Variants in TNXB observed in about 807,000 individuals in gnomAD.
TNXB encodes tenascin-X.
In TNXB, 183 loss-of-function variants were observed where a neutral mutation model predicts 340.5. The ratio of observed to expected loss-of-function variants is 0.54; its 90% CI spans 0.48 to 0.61. TNXB has a LOEUF of 0.61. Among genes scored for constraint, TNXB ranks in the 20% least tolerant of loss-of-function variants. The pLI is 0.00. For missense variants in TNXB, 4,613 were observed against 5,446.4 expected, an observed-to-expected ratio of 0.85 and a Z score of 4.82; for synonymous variants, 2,121 against 2,314.5, an observed-to-expected ratio of 0.92 and a Z score of 2.40.
Position 32,043,751 on chromosome 6 carries a change from G to A in TNXB, c.11528C>T (p.Thr3843Met), listed in dbSNP as rs755060174. 1.4e-5 allele frequency: 22 copies of A among 1,613,362 alleles called. 1 individual carries two copies. In the East Asian group the frequency reaches 2.7e-4, roughly 20 times the overall value. ...ESEPLTGFLTTVPDGPTQLRA... is the reference protein window; with the variant it reads ...ESEPLTGFLTMVPDGPTQLRA... ...CCCCGGGTCCCAGTCCATCTCACCC[G>A]TGGTGAGGAAGCCTGTGAGAGGCTC... The change falls in exon 35 of 44, where the codon ACG becomes ATG. Residue 3843 changes from threonine to methionine, a missense_variant and splice_region_variant. Transcript: ENST00000644971.
intron 13 of TNXB, among the ~76,000 whole-genome samples, chr6:32,071,221 A>G (rs1277581644): frequency 2.6e-5 from 4 of 152,160 alleles, no homozygotes; most frequent in African/African-American, 9.6e-5. Flanking sequence ...CTGGTTCCCA[A>G]TTTCTGAGAC....
chr6:32,082,583 T>C lies in TNXB; in HGVS notation c.3446-257A>G, dbSNP rs1779535774. 6.6e-6 allele frequency among the ~76,000 whole-genome samples: 1 copy of C among 152,092 alleles called. No individual in the cohort carries two copies. Among genetic ancestry groups the C allele is most frequent in the South Asian group, 2.1e-4 (1 of 4,822 alleles). ...CATGGAAGCACTGCGTGGACTAGTG[T>C]GGCTCTGCCTCCAACCACAAACCAG... On this transcript the variant is annotated intron_variant, in intron 8 of 43. Coordinates refer to ENST00000644971, the MANE Select transcript of TNXB (RefSeq NM_001365276.2). The surrounding 1 kb of genome is among the most constrained non-coding windows in gnomAD (Gnocchi z 5.0).
At chr6:32,103,300 G>A (rs1177326151) in intron 1 of TNXB, among the ~76,000 whole-genome samples, 1 of 151,840 alleles carries the variant, frequency 6.6e-6, no homozygotes, top group Non-Finnish European at 1.5e-5. Flanking sequence ...CATGGTGGCA[G>A]GTGCCTGTAA....
In TNXB at chr6:32,095,870, C is replaced by A. The variant is rs778181619; in HGVS notation, c.1983G>T (p.Arg661=). ...MCPADCRGRG[R]CVQGVCLCHV... ...GGCACAGGCACACTCCTTGCACACA[C>A]CGCCCACGTCCCCGGCAGTCAGCCG... is the stretch of plus-strand genomic sequence containing the variant. The change falls in exon 3 of 44, where the codon CGG becomes CGT. Residue 661 remains arginine (R), a synonymous_variant. Coordinates refer to ENST00000644971, the MANE Select transcript of TNXB (RefSeq NM_001365276.2). 1 of 1,612,514 alleles carries A rather than the reference C, an allele frequency of 6.2e-7. No homozygotes were observed. The highest frequency in any genetic ancestry group is 1.1e-5 in the South Asian group (1 of 90,940).
At position 32,096,173 on chromosome 6, in the gene TNXB, G is replaced by C. The variant is rs1384077700; in HGVS notation, c.1680C>G (p.Pro560=). 1.9e-6 allele frequency: 3 copies of C among 1,573,606 alleles called. No homozygotes were observed. Among genetic ancestry groups the C allele is most frequent in the African/African-American group, 2.7e-5 (2 of 73,824 alleles). The change falls in exon 3 of 44, where the codon CCC becomes CCG. Residue 560 remains proline (P), a synonymous_variant. Transcript: ENST00000644971. ...SGEDCSTRSC[P]GGCRGRGQCL... is the part of the protein sequence containing the mutation. ...ACTGGCCGCGGCCTCGGCAGCCCCC[G>C]GGGCAGCTGCGCGTGCTGCAGTCTT...
In TNXB at chr6:32,059,136, G is replaced by T. The variant is rs565744138; in HGVS notation, c.7493-746C>A. 2.3e-4 allele frequency among the ~76,000 whole-genome samples: 35 copies of T among 151,838 alleles called. 1 individual carries two copies. The highest frequency in any genetic ancestry group is 7.3e-4 in the African/African-American group (30 of 41,184). On this transcript the variant is annotated intron_variant, in intron 21 of 43. Transcript: ENST00000644971. ...AAACGTGGGCTAAAAAAGAAATTCT[G>T]GGCTGGGAGCAGTGGTTCACGCCTG...
intron 19 of TNXB, among the ~76,000 whole-genome samples, chr6:32,063,693 C>A (rs905585102): frequency 9.9e-5 from 15 of 152,284 alleles, no homozygotes; most frequent in African/African-American, 2.9e-4. Flanking sequence ...TCATTGATTT[C>A]TTTAATCTTT....
rs760354340 is a variant in TNXB at position 32,064,963 on chromosome 6, C to A, written c.6699G>T (p.Gly2233=). The A allele has an allele frequency of 6.2e-7, 1 of 1,612,810 alleles. No homozygotes were observed. The highest frequency in any genetic ancestry group is 1.3e-5 in the African/African-American group (1 of 75,026). ...HFLVQFKNGD[G]QPKAVRVPGH... is the part of the protein sequence containing the mutation. ...CCGGCACCCGCACCGCCTTGGGCTG[C>A]CCGTCCCCATTCTTAAACTGGACCA... is the stretch of plus-strand genomic sequence containing the variant. Residue 2233 remains glycine, a synonymous_variant, in exon 19 of 44, where the codon GGG becomes GGT. Coordinates refer to ENST00000644971, the MANE Select transcript of TNXB (RefSeq NM_001365276.2). This position sits in a 1 kb window ranked among gnomAD's most constrained non-coding sequence, Gnocchi z 5.3.
In TNXB at chr6:32,081,792, C is replaced by G; in HGVS notation, c.3737-119G>C. ...GGTCACTAGTCCATTAATTCGAGTG[C>G]TAAACTTCTGGGAAGCCTGACACAG... On this transcript the variant is annotated intron_variant, in intron 9 of 43. Transcript: ENST00000644971. This position sits in a 1 kb window ranked among gnomAD's most constrained non-coding sequence, Gnocchi z 5.1. 1 of 722,612 alleles carries G rather than the reference C, an allele frequency of 1.4e-6. No individual in the cohort carries two copies. The highest frequency in any genetic ancestry group is 2.3e-6 in the Non-Finnish European group (1 of 437,736). The allele number at this position is 722,612 out of a possible 1,614,324, so 44.8% of individuals were successfully genotyped here. A position where few individuals can be genotyped will look rare whatever the true frequency, so the allele number is the denominator to read the frequency against.
At chr6:32,076,335 T>TC (rs1395977782) in intron 11 of TNXB, among the ~76,000 whole-genome samples, 5 of 152,100 alleles carry the variant, frequency 3.3e-5, no homozygotes, top group Non-Finnish European at 7.4e-5. Context: ...CACGCACCTC[T>TC]CCCCCTGGCA....
Position 32,049,499 on chromosome 6 carries a change from T to C in TNXB, c.9528A>G (p.Gly3176=). ...AGAGGCTCAGCGAGTCAGGGGAGGA[T>C]CCTGTCACTGTCAACTCCCCCAGGA... ...EPLLGELTVT[G]SSPDSLSLSW... The change falls in exon 28 of 44, where the codon GGA becomes GGG. Residue 3176 remains glycine (G), a synonymous_variant. Coordinates refer to ENST00000644971, the MANE Select transcript of TNXB (RefSeq NM_001365276.2). This position sits in a 1 kb window ranked among gnomAD's most constrained non-coding sequence, Gnocchi z 4.5. The C allele has an allele frequency of 6.2e-7, 1 of 1,612,390 alleles. No individual in the cohort carries two copies. The highest frequency in any genetic ancestry group is 8.5e-7 in the Non-Finnish European group (1 of 1,179,800).
chr6:32,070,404 A>C lies in TNXB; in HGVS notation c.5001T>G (p.Gly1667=). ...VSVEAKTVAR[G]DASPGAPPRL... Reference sequence around the variant, plus strand: ...GGGGTGGGGCCCCTGGGCTGGCGTCACCTCGGGCAACTGGAGAGGAAAGGT... The same window carrying C: ...GGGGTGGGGCCCCTGGGCTGGCGTCCCCTCGGGCAACTGGAGAGGAAAGGT... The change falls in exon 14 of 44, where the codon GGT becomes GGG. Residue 1667 remains glycine (G), a synonymous_variant. Coordinates refer to ENST00000644971, the MANE Select transcript of TNXB (RefSeq NM_001365276.2). The surrounding 1 kb of genome is among the most constrained non-coding windows in gnomAD (Gnocchi z 6.0). 1 of 1,586,928 alleles carries C rather than the reference A, an allele frequency of 6.3e-7. No homozygotes were observed. Among genetic ancestry groups the C allele is most frequent in the Non-Finnish European group, 8.6e-7 (1 of 1,164,016 alleles).
Position 32,108,625 on chromosome 6 carries a change from T to A in TNXB, c.-9+556A>T, listed in dbSNP as rs757160302. ...CCTAAAGAGATCTCCCAGACCTCCCTCCCTGCAACTCTCACGCTGCCACCT... is the reference window on the plus strand; with the variant it reads ...CCTAAAGAGATCTCCCAGACCTCCCACCCTGCAACTCTCACGCTGCCACCT... On this transcript the variant is annotated intron_variant, in intron 1 of 43. Coordinates refer to ENST00000644971, the MANE Select transcript of TNXB (RefSeq NM_001365276.2). This position sits in a 1 kb window ranked among gnomAD's most constrained non-coding sequence, Gnocchi z 4.8. Among the ~76,000 whole-genome samples the A allele has an allele frequency of 3.3e-5, 5 of 152,040 alleles. No individual in the cohort carries two copies. The highest frequency in any genetic ancestry group is 6.5e-5 in the Admixed American group (1 of 15,282).
chr6:32,059,819 G>C (rs528704785), intron 21 of TNXB, among the ~76,000 whole-genome samples: 4 of 152,068 alleles, frequency 2.6e-5, no homozygotes, highest in Admixed American at 2.6e-4. Flanking sequence ...TGGTGCCACA[G>C]AGGTGGCGAC....
At chr6:32,099,946 T>TAAAAAAA (rs34833929) in intron 1 of TNXB, among the ~76,000 whole-genome samples, 5 of 62,822 alleles carry the variant, frequency 8.0e-5, no homozygotes, top group African/African-American at 1.3e-4. Flanking sequence ...CATCCCTAAG[T>TAAAAAAA]AAAAAAAAAA....
Position 32,049,848 on chromosome 6 carries a change from A to G in TNXB, c.9439+150T>C. On this transcript the variant is annotated intron_variant, in intron 27 of 43. Coordinates refer to ENST00000644971, the MANE Select transcript of TNXB (RefSeq NM_001365276.2). This position sits in a 1 kb window ranked among gnomAD's most constrained non-coding sequence, Gnocchi z 4.5. Reference sequence around the variant, plus strand: ...TCAGGGGGAGCCAGGGGTCAACCACATAGGAAGGCCCAAGGGGAGTCCCAG... The same window carrying G: ...TCAGGGGGAGCCAGGGGTCAACCACGTAGGAAGGCCCAAGGGGAGTCCCAG... 1.5e-6 allele frequency: 2 copies of G among 1,323,662 alleles called. No homozygotes were observed. Among genetic ancestry groups the G allele is most frequent in the Non-Finnish European group, 2.1e-6 (2 of 961,422 alleles). The allele number at this position is 1,323,662 out of a possible 1,614,324, so 82.0% of individuals were successfully genotyped here.
Position 32,056,066 on chromosome 6 carries a change from G to A in TNXB, c.8252C>T (p.Ser2751Leu), listed in dbSNP as rs773291274. ...GGGGATGGTCCAGGAGAGGCTCAGC[G>A]AGTCAGGGGAGGATCCTGTCACTGT... is the stretch of plus-strand genomic sequence containing the variant. ...ELTVTGSSPD[S>L]LSLSWTIPQG... The change falls in exon 24 of 44, where the codon TCG becomes TTG. Residue 2751 changes from serine to leucine, a missense_variant. Ser to Leu is a moderately radical substitution (Grantham distance 145). Around this residue, in one of 7 missense-constraint regions of TNXB, gnomAD observed 4,327 missense variants for 4,859.4 expected, o/e 0.89. Coordinates refer to ENST00000644971, the MANE Select transcript of TNXB (RefSeq NM_001365276.2). 3.2e-5 allele frequency: 52 copies of A among 1,612,840 alleles called. 1 individual carries two copies. The highest frequency in any genetic ancestry group is 9.3e-5 in the African/African-American group (7 of 75,040).
Position 32,083,644 on chromosome 6 carries a change from C to T in TNXB, c.3445+769G>A, listed in dbSNP as rs956702974. Among the ~76,000 whole-genome samples the T allele has an allele frequency of 6.6e-6, 1 of 152,098 alleles. No individual in the cohort carries two copies. Among genetic ancestry groups the T allele is most frequent in the Non-Finnish European group, 1.5e-5 (1 of 68,016 alleles). On this transcript the variant is annotated intron_variant, in intron 8 of 43. Transcript: ENST00000644971. This position sits in a 1 kb window ranked among gnomAD's most constrained non-coding sequence, Gnocchi z 4.6. The stretch of plus-strand genomic sequence containing the variant: ...ACTGCCACCATCCCAGCTGACCCAT[C>T]ATCATTTTTCTTTTTTTTGAGACAG...
At position 32,070,137 on chromosome 6, in the gene TNXB, G is replaced by A. The variant is rs377387902; in HGVS notation, c.5268C>T (p.Asp1756=). ...GKKRHGPLTA[D]GTTEARSAMD... ...GGGAATGCCCCTCACCCGTGGTGCC[G>A]TCGGCAGTGAGAGGGCCATGGCGCT... Residue 1756 remains aspartate, a synonymous_variant, in exon 14 of 44, where the codon GAC becomes GAT. Coordinates refer to ENST00000644971, the MANE Select transcript of TNXB (RefSeq NM_001365276.2). This position sits in a 1 kb window ranked among gnomAD's most constrained non-coding sequence, Gnocchi z 6.0. 174 of 1,575,632 alleles carry A rather than the reference G, an allele frequency of 1.1e-4. No homozygotes were observed. Among genetic ancestry groups the A allele is most frequent in the Middle Eastern group, 1.8e-4 (1 of 5,654 alleles).
Sources: gnomAD v4.1 joint callset for allele counts (sites outside exome capture counted in the v4.1 genomes callset) on GRCh38, gnomAD v4.1.1 for gene constraint, gnomAD v4.1.1 regional missense constraint, Gnocchi (gnomAD v3.1) non-coding constraint, MANE v1.5 for transcripts, NCBI Gene and HGNC (gene_info 2026-07-23, HGNC 2026-07-21) for gene names.